Variants in PCDH11X observed in about 807,000 individuals in gnomAD.
PCDH11X encodes protocadherin 11 X-linked.
In PCDH11X, 18 loss-of-function variants were observed where a neutral mutation model predicts 53.3. The observed-to-expected ratio is 0.34, with a 90% confidence interval of 0.23 to 0.50. The LOEUF is 0.50. Among genes scored for constraint, PCDH11X ranks in the 20% least tolerant of loss-of-function variants. The pLI, the probability that PCDH11X is intolerant of heterozygous loss-of-function variation, is 0.98. For missense variants in PCDH11X, 570 were observed against 1,032.4 expected, an observed-to-expected ratio of 0.55 and a Z score of 6.14; for synonymous variants, 279 against 393.3, an observed-to-expected ratio of 0.71 and a Z score of 3.44.
chrX:92,502,358 A>T (rs1449566268), intron 10 of PCDH11X, among the ~76,000 whole-genome samples: 2 of 53,095 alleles, frequency 3.8e-5, no homozygotes, highest in Non-Finnish European at 8.6e-5. Context: ...TCACGGAATT[A>T]AAAAAAAAAA....
chrX:92,098,166 T>A, intron 6 of PCDH11X, among the ~76,000 whole-genome samples: 1 of 110,777 alleles, frequency 9.0e-6, no homozygotes, highest in Middle Eastern at 4.6e-3. Context: ...CCTAGGGATT[T>A]ATTATTTTAT....
chrX:91,817,931 A>C (rs1487109667), intron 4 of PCDH11X, among the ~76,000 whole-genome samples: 1 of 111,638 alleles, frequency 9.0e-6, no homozygotes, highest in African/African-American at 3.3e-5. Context: ...CTGTGATCGC[A>C]ATTTCCTAGA....
At chrX:92,348,516 TTA>T (rs1491197094) in intron 8 of PCDH11X, among the ~76,000 whole-genome samples, 8,148 of 41,754 alleles carry the variant, frequency 0.2, 878 homozygotes, top group East Asian at 0.7. Context: ...ATTATCATTA[TTA>T]TTATTATTAT....
intron 7 of PCDH11X, among the ~76,000 whole-genome samples, chrX:92,244,925 G>A (rs908671862): frequency 1.3e-4 from 15 of 111,982 alleles, no homozygotes; most frequent in Admixed American, 1.0e-3. Flanking sequence ...CCAATGATAA[G>A]CAATTAATAG....
At chrX:92,275,277 AG>A (rs1425112457) in intron 8 of PCDH11X, among the ~76,000 whole-genome samples, 14 of 103,453 alleles carry the variant, frequency 1.4e-4, no homozygotes, top group Non-Finnish European at 2.6e-4. Flanking sequence ...TAGGAAGGAA[AG>A]GGTTGTTCTT....
At position 91,963,714 on chromosome X, in the gene PCDH11X, G is replaced by A. The variant is rs757685100; in HGVS notation, c.3033+84441G>A. On this transcript the variant is annotated intron_variant, in intron 6 of 10. Coordinates refer to ENST00000682573, the MANE Select transcript of PCDH11X (RefSeq NM_032968.5). ...CTGTATTAGTCTGTTCTCACACTGC[G>A]AATAAGGACGTACCAGAGACTGGGT... Among the ~76,000 whole-genome samples, 291 of 111,424 alleles carry A rather than the reference G, an allele frequency of 2.6e-3. 1 individual carries two copies. The highest frequency in any genetic ancestry group is 9.0e-3 in the African/African-American group (274 of 30,343).
chrX:91,883,425 A>G (rs1436846119), intron 6 of PCDH11X: 3 of 749,104 alleles, frequency 4.0e-6, no homozygotes, highest in African/African-American at 2.4e-5. Flanking sequence ...AAAAAACAAA[A>G]CCAAAACACT....
In PCDH11X at chrX:92,009,297, G is replaced by A. The variant is rs898072332; in HGVS notation, c.3033+130024G>A. Among the ~76,000 whole-genome samples, 3 of 111,535 alleles carry A rather than the reference G, an allele frequency of 2.7e-5. No individual in the cohort carries two copies. The Admixed American group carries it at 2.9e-4, about 11-fold the overall frequency. ...AATTTTCAGGGTATTTTGTGGTCAAGTTCTAAAATTATCAAGAGCATAATT... is the reference window on the plus strand; with the variant it reads ...AATTTTCAGGGTATTTTGTGGTCAAATTCTAAAATTATCAAGAGCATAATT... On this transcript the variant is annotated intron_variant, in intron 6 of 10. Coordinates refer to ENST00000682573, the MANE Select transcript of PCDH11X (RefSeq NM_032968.5).
chrX:92,308,217 G>A (rs1238285703), intron 8 of PCDH11X, among the ~76,000 whole-genome samples: 4 of 110,906 alleles, frequency 3.6e-5, no homozygotes, highest in African/African-American at 1.3e-4. Context: ...AAAGAACGAA[G>A]TGGGAGGCCT....
intron 5 of PCDH11X, among the ~76,000 whole-genome samples, chrX:91,868,887 T>G (rs978183709): frequency 2.4e-4 from 27 of 111,697 alleles, no homozygotes; most frequent in African/African-American, 8.4e-4. Context: ...CTTTTGGACT[T>G]TTCTTAGAAT....
intron 6 of PCDH11X, among the ~76,000 whole-genome samples, chrX:92,110,544 G>T (rs776149968): frequency 1.0e-5 from 1 of 100,254 alleles, no homozygotes; most frequent in Non-Finnish European, 1.9e-5. Context: ...CATAAACAAG[G>T]GGGGGGCAGA....
At chrX:92,042,374 A>G (rs2562933) in intron 6 of PCDH11X, among the ~76,000 whole-genome samples, 29,396 of 96,870 alleles carry the variant, frequency 0.3, 6,551 homozygotes, top group East Asian at 0.79. Flanking sequence ...TTAAATGAAT[A>G]TGTCTTTCTG....
intron 10 of PCDH11X, among the ~76,000 whole-genome samples, chrX:92,523,423 A>G (rs2148718510): frequency 8.9e-6 from 1 of 112,107 alleles, no homozygotes; most frequent in Admixed American, 9.5e-5. Context: ...TGTGAGCTAC[A>G]TTTTCTTTCT....
chrX:92,472,572 T>C (rs1256897678), intron 10 of PCDH11X, among the ~76,000 whole-genome samples: 1 of 109,306 alleles, frequency 9.1e-6, no homozygotes, highest in Non-Finnish European at 1.9e-5. Context: ...CTTTGTTCAT[T>C]TTGTTTAGGA....
chrX:92,051,193 T>C (rs1475817437), intron 6 of PCDH11X, among the ~76,000 whole-genome samples: 1 of 111,828 alleles, frequency 8.9e-6, no homozygotes, highest in African/African-American at 3.2e-5. Context: ...CTTCTTGCGG[T>C]TCTCTTCCTT....
intron 6 of PCDH11X, among the ~76,000 whole-genome samples, chrX:92,025,285 A>G (rs1255012899): frequency 9.0e-6 from 1 of 110,608 alleles, no homozygotes; most frequent in African/African-American, 3.3e-5. Context: ...TACAAGAAAA[A>G]AAAAACCAAA....
chrX:92,275,969 G>A (rs1203928049), intron 8 of PCDH11X, among the ~76,000 whole-genome samples: 5 of 110,491 alleles, frequency 4.5e-5, no homozygotes, highest in Non-Finnish European at 9.4e-5. Flanking sequence ...GGGAAGAAGG[G>A]CAGCAATGAG....
At chrX:92,331,786 T>C (rs1177231782) in intron 8 of PCDH11X, among the ~76,000 whole-genome samples, 2 of 111,265 alleles carry the variant, frequency 1.8e-5, no homozygotes, top group African/African-American at 6.5e-5. Flanking sequence ...TTATGTCCTC[T>C]ACAAAGCCTT....
chrX:92,067,814 T>A (rs1003892428), intron 6 of PCDH11X, among the ~76,000 whole-genome samples: 3 of 111,559 alleles, frequency 2.7e-5, no homozygotes, highest in African/African-American at 6.5e-5. Flanking sequence ...CCTGGGAGAC[T>A]TTTTATTTAG....
Sources: allele counts gnomAD v4.1 joint callset (sites outside exome capture counted in the v4.1 genomes callset), GRCh38; gene constraint gnomAD v4.1.1; transcripts MANE v1.5; gene names NCBI Gene and HGNC (gene_info 2026-07-23, HGNC 2026-07-21).